The following KPNA1 variants were observed in gnomAD, a reference collection of about 807,000 sequenced individuals.
The protein encoded by KPNA1 is importin subunit alpha-5.
In KPNA1, 10 loss-of-function variants were observed where a neutral mutation model predicts 70.5. That is an observed-to-expected ratio of 0.14 (90% confidence interval 0.09 to 0.24). The LOEUF is 0.24. Among genes scored for constraint, KPNA1 ranks in the 10% least tolerant of loss-of-function variants. The pLI is 1.00. For synonymous variants in KPNA1, 192 were observed against 221.9 expected (o/e 0.87, Z 1.20); for missense variants, 397 against 637.9 (o/e 0.62, Z 4.07).
intron 1 of KPNA1, among the ~76,000 whole-genome samples, chr3:122,504,558 T>A (rs1010555521): frequency 6.6e-6 from 1 of 152,196 alleles, no homozygotes; most frequent in African/African-American, 2.4e-5. Context: ...TATATTCATG[T>A]GGGGGCAAGG....
At position 122,511,508 on chromosome 3, in the gene KPNA1, AAAAG is replaced by A. The variant is rs772468921; in HGVS notation, c.-6+3245_-6+3248del. Among the ~76,000 whole-genome samples the A allele has an allele frequency of 7.9e-5, 12 of 152,324 alleles. No homozygotes were observed. The East Asian group carries it at 1.2e-3, about 15-fold the overall frequency. On this transcript the variant is annotated intron_variant, in intron 1 of 13. Transcript: ENST00000344337. Reference sequence around the variant, plus strand: ...TTGTAGGTTTGTAACATCTTTAAAAAAAAGAAAGAAAGAAACATACATTCCCACA... The same window carrying A: ...TTGTAGGTTTGTAACATCTTTAAAAAAAAGAAAGAAACATACATTCCCACA...
chr3:122,514,118 A>G (rs754224882), intron 1 of KPNA1, among the ~76,000 whole-genome samples: 2 of 152,100 alleles, frequency 1.3e-5, no homozygotes, highest in Non-Finnish European at 2.9e-5. Context: ...CGGCGTGCAG[A>G]CCAAGTTCTG....
At chr3:122,475,391 G>C (rs1236365695) in intron 2 of KPNA1, among the ~76,000 whole-genome samples, 1 of 152,164 alleles carries the variant, frequency 6.6e-6, no homozygotes, top group Non-Finnish European at 1.5e-5. Flanking sequence ...TTATGTTCAT[G>C]AATTAGAAGA....
Position 122,499,783 on chromosome 3 carries a change from G to A in KPNA1, c.-5-3213C>T, listed in dbSNP as rs184007858. Among the ~76,000 whole-genome samples, 304 of 151,722 alleles carry A rather than the reference G, an allele frequency of 2.0e-3. 2 individuals carry two copies. Among genetic ancestry groups the A allele is most frequent in the African/African-American group, 7.1e-3 (292 of 41,362 alleles). ...TCAAGAAAAAAAAAAAAAAAGAGAC[G>A]GGTTTATATTTTCTTGTGATGTCTT... On this transcript the variant is annotated intron_variant, in intron 1 of 13. Coordinates refer to ENST00000344337, the MANE Select transcript of KPNA1 (RefSeq NM_002264.4).
chr3:122,502,564 G>C (rs1346194237), intron 1 of KPNA1, among the ~76,000 whole-genome samples: 1 of 152,164 alleles, frequency 6.6e-6, no homozygotes, highest in Non-Finnish European at 1.5e-5. Flanking sequence ...TTCTGCTTAA[G>C]CCACACAGTC....
chr3:122,484,857 A>G (rs1308437833), intron 2 of KPNA1, among the ~76,000 whole-genome samples: 2 of 152,182 alleles, frequency 1.3e-5, no homozygotes, highest in East Asian at 1.9e-4. Context: ...AGCTGATTCT[A>G]AAGTTCATAT....
Position 122,433,650 on chromosome 3 carries a change from T to C in KPNA1, c.1250+11A>G, listed in dbSNP as rs2107718676. The C allele has an allele frequency of 6.3e-7, 1 of 1,581,140 alleles. No homozygotes were observed. Among genetic ancestry groups the C allele is most frequent in the Non-Finnish European group, 8.6e-7 (1 of 1,168,488 alleles). ...CTTTAACTTACAATATGCTGCCTGA[T>C]TGGTACTTACTTGATCTGTTCAGCT... On this transcript the variant is annotated intron_variant, in intron 12 of 13. Transcript: ENST00000344337.
chr3:122,497,867 A>T (rs959396503), intron 1 of KPNA1, among the ~76,000 whole-genome samples: 11 of 151,562 alleles, frequency 7.3e-5, no homozygotes, highest in Admixed American at 2.6e-4. Flanking sequence ...CTGTCTTTTC[A>T]CTTTCTTGGT....
chr3:122,491,483 C>G (rs1442738516), intron 2 of KPNA1, among the ~76,000 whole-genome samples: 2 of 152,170 alleles, frequency 1.3e-5, no homozygotes, highest in Non-Finnish European at 2.9e-5. Context: ...GTTGGTTAAA[C>G]AGGTGAAATC....
chr3:122,448,891 T>C (rs927679818), intron 9 of KPNA1, among the ~76,000 whole-genome samples: 5 of 152,250 alleles, frequency 3.3e-5, no homozygotes, highest in Non-Finnish European at 7.3e-5. Flanking sequence ...AGCACTACAT[T>C]ACTGATCTGC....
In KPNA1 at chr3:122,499,967, T is replaced by C. The variant is rs187314863; in HGVS notation, c.-5-3397A>G. 2.1e-3 allele frequency among the ~76,000 whole-genome samples: 315 copies of C among 152,364 alleles called. 2 individuals carry two copies. The highest frequency in any genetic ancestry group is 7.4e-3 in the African/African-American group (306 of 41,574). On this transcript the variant is annotated intron_variant, in intron 1 of 13. Transcript: ENST00000344337. ...TAGGCTGTTTCTTTGCGGGCAGTTC[T>C]GTGACTACTATTTCAGTGTCTTCAC... is the stretch of plus-strand genomic sequence containing the variant.
intron 5 of KPNA1, chr3:122,459,320 A>C: frequency 5.4e-6 from 3 of 557,300 alleles, no homozygotes; most frequent in Non-Finnish European, 6.8e-6. Context: ...GCATAAAAGA[A>C]CTACCACCTA....
At chr3:122,495,078 T>C (rs1290563426) in intron 2 of KPNA1, among the ~76,000 whole-genome samples, 2 of 151,850 alleles carry the variant, frequency 1.3e-5, no homozygotes, top group Non-Finnish European at 2.9e-5. Context: ...GGTGAAACCC[T>C]GTCTCTACTA....
intron 4 of KPNA1, among the ~76,000 whole-genome samples, chr3:122,462,717 TA>T (rs1046703747): frequency 2.0e-5 from 3 of 152,100 alleles, no homozygotes; most frequent in East Asian, 1.9e-4. Flanking sequence ...CAAAAGACAA[TA>T]TTTTTTTGTC....
intron 2 of KPNA1, among the ~76,000 whole-genome samples, chr3:122,495,123 G>A (rs1177116874): frequency 3.3e-5 from 5 of 151,774 alleles, no homozygotes; most frequent in Non-Finnish European, 7.4e-5. Context: ...GGTGGCACGC[G>A]CCTGTAGTCC....
chr3:122,511,191 C>T (rs143556740), intron 1 of KPNA1, among the ~76,000 whole-genome samples: 1 of 152,228 alleles, frequency 6.6e-6, no homozygotes, highest in African/African-American at 2.4e-5. Context: ...TTTCTGTTCC[C>T]TAGCTGACCC....
At chr3:122,492,826 C>T (rs986624521) in intron 2 of KPNA1, among the ~76,000 whole-genome samples, 27 of 152,158 alleles carry the variant, frequency 1.8e-4, no homozygotes, top group African/African-American at 6.5e-4. Context: ...TTATTCTTTA[C>T]GGCAATGGTC....
intron 1 of KPNA1, among the ~76,000 whole-genome samples, chr3:122,504,093 C>A (rs1262755858): frequency 6.6e-6 from 1 of 152,162 alleles, no homozygotes; most frequent in African/African-American, 2.4e-5. Context: ...ATAATGTAAA[C>A]CATGGACTTA....
At chr3:122,484,812 C>G (rs1240698957) in intron 2 of KPNA1, among the ~76,000 whole-genome samples, 1 of 152,202 alleles carries the variant, frequency 6.6e-6, no homozygotes, top group Non-Finnish European at 1.5e-5. Flanking sequence ...TAATCCCAAT[C>G]AAATTCCCAG....
Sources: gnomAD v4.1 joint callset for allele counts (sites outside exome capture counted in the v4.1 genomes callset) on GRCh38, gnomAD v4.1.1 for gene constraint, MANE v1.5 for transcripts, NCBI Gene and HGNC (gene_info 2026-07-23, HGNC 2026-07-21) for gene names.